HPGDS: variants seen among roughly 807,000 people sequenced by gnomAD.
HPGDS encodes the protein GST class-sigma.
Under a neutral mutation model 23.1 loss-of-function variants are expected in HPGDS, and 26 were observed. That is an observed-to-expected ratio of 1.13 (90% CI 0.83 to 1.56). The LOEUF is 1.56. HPGDS is among the 40% of genes most tolerant of loss of function. HPGDS has a pLI of 0.00. For missense variants in HPGDS, 268 were observed against 236.4 expected (o/e 1.13, Z -0.88); for synonymous variants, 95 against 77.9 (o/e 1.22, Z -1.16).
chr4:94,331,171 A>G (rs1435078586), intron 2 of HPGDS, among the ~76,000 whole-genome samples: 1 of 152,158 alleles, frequency 6.6e-6, no homozygotes, highest in Non-Finnish European at 1.5e-5. Flanking sequence ...TTAGGTTTTA[A>G]TCTTGTCTAC....
chr4:94,321,607 T>C (rs1292631369), intron 2 of HPGDS, among the ~76,000 whole-genome samples: 1 of 152,230 alleles, frequency 6.6e-6, no homozygotes, highest in Non-Finnish European at 1.5e-5. Context: ...TTTTGTACAT[T>C]GATTTTGTAT....
intron 1 of HPGDS, among the ~76,000 whole-genome samples, chr4:94,336,305 A>G (rs1188822171): frequency 2.0e-5 from 3 of 152,136 alleles, no homozygotes; most frequent in Non-Finnish European, 2.9e-5. Context: ...AAGTTTATAT[A>G]TTCCTGGAGT....
chr4:94,313,168 G>C (rs1385117941), intron 3 of HPGDS, among the ~76,000 whole-genome samples: 2 of 152,142 alleles, frequency 1.3e-5, no homozygotes, highest in Admixed American at 6.6e-5. Context: ...GTGTGAATTT[G>C]ATCCTGTCAT....
In HPGDS at chr4:94,315,186, G is replaced by A. The variant is rs142782644; in HGVS notation, c.226+2687C>T. ...GACAATCCCCAGTGAGACAATCCCC[G>A]GTACCTCAGTTGGAAATGCAGAAAT... On this transcript the variant is annotated intron_variant, in intron 3 of 5. Coordinates refer to ENST00000295256, the MANE Select transcript of HPGDS (RefSeq NM_014485.3). Among the ~76,000 whole-genome samples, 8 of 150,474 alleles carry A rather than the reference G, an allele frequency of 5.3e-5. No individual in the cohort carries two copies. The South Asian group carries it at 8.5e-4, about 16-fold the overall frequency.
At chr4:94,334,938 T>C (rs564542384) in intron 1 of HPGDS, among the ~76,000 whole-genome samples, 4 of 152,278 alleles carry the variant, frequency 2.6e-5, no homozygotes, top group East Asian at 1.9e-4. Context: ...CTTCAGAGCA[T>C]GGAGCAAAAA....
At chr4:94,324,625 T>G (rs558907139) in intron 2 of HPGDS, among the ~76,000 whole-genome samples, 29 of 152,296 alleles carry the variant, frequency 1.9e-4, no homozygotes, top group African/African-American at 7.0e-4. Flanking sequence ...ATTTAAGGTC[T>G]TCTCTACACT....
At chr4:94,315,087 T>A (rs941627796) in intron 3 of HPGDS, among the ~76,000 whole-genome samples, 1 of 152,204 alleles carries the variant, frequency 6.6e-6, no homozygotes, top group African/African-American at 2.4e-5. Flanking sequence ...TTGCACTTCC[T>A]GGGTGAGGCG....
At chr4:94,333,501 A>G (rs1413016961) in intron 2 of HPGDS, among the ~76,000 whole-genome samples, 1 of 152,252 alleles carries the variant, frequency 6.6e-6, no homozygotes, top group Non-Finnish European at 1.5e-5. Flanking sequence ...TGACAACTGT[A>G]TGGAGCAAAA....
intron 2 of HPGDS, among the ~76,000 whole-genome samples, chr4:94,327,280 G>A (rs1287008453): frequency 6.6e-6 from 1 of 152,156 alleles, no homozygotes; most frequent in Admixed American, 6.5e-5. Flanking sequence ...TGGTGGAGTA[G>A]GTTGATCCTC....
At chr4:94,330,623 G>C (rs1191550046) in intron 2 of HPGDS, among the ~76,000 whole-genome samples, 4 of 152,062 alleles carry the variant, frequency 2.6e-5, no homozygotes, top group Non-Finnish European at 4.4e-5. Flanking sequence ...TCTATTTTCT[G>C]TTCTCTCTTT....
chr4:94,339,182 T>A (rs969610074), intron 1 of HPGDS, among the ~76,000 whole-genome samples: 27 of 152,236 alleles, frequency 1.8e-4, no homozygotes, highest in African/African-American at 6.5e-4. Flanking sequence ...TATCTTGGTA[T>A]GATTTGACTA....
intron 3 of HPGDS, among the ~76,000 whole-genome samples, chr4:94,309,050 C>CTTTTTTTTTTTT (rs34427506): frequency 1.6e-4 from 5 of 31,028 alleles, no homozygotes; most frequent in Non-Finnish European, 2.3e-4. Flanking sequence ...GGTGTACTTG[C>CTTTTTTTTTTTT]TTTTTTTTTT....
rs1279955472 is a variant in HPGDS at position 94,309,849 on chromosome 4, G to A, written c.227-1106C>T. Among the ~76,000 whole-genome samples, 6 of 152,256 alleles carry A rather than the reference G, an allele frequency of 3.9e-5. No homozygotes were observed. In the South Asian group the frequency reaches 1.0e-3, roughly 26 times the overall value. On this transcript the variant is annotated intron_variant, in intron 3 of 5. Coordinates refer to ENST00000295256, the MANE Select transcript of HPGDS (RefSeq NM_014485.3). Reference sequence around the variant, plus strand: ...AACTGGTGTGAGATGGTATCTCATTGTGGTTTTGATTTACATTTCTCTGAT... The same window carrying A: ...AACTGGTGTGAGATGGTATCTCATTATGGTTTTGATTTACATTTCTCTGAT...
intron 3 of HPGDS, among the ~76,000 whole-genome samples, chr4:94,316,387 T>C (rs996460931): frequency 6.6e-6 from 1 of 152,108 alleles, no homozygotes; most frequent in African/African-American, 2.4e-5. Flanking sequence ...ATCCACAAAT[T>C]TTTCGTATTT....
intron 4 of HPGDS, among the ~76,000 whole-genome samples, chr4:94,303,305 A>G (rs1756079763): frequency 6.6e-6 from 1 of 152,170 alleles, no homozygotes; most frequent in Non-Finnish European, 1.5e-5. Context: ...GAGCATGCGC[A>G]TGATGCCCAA....
intron 3 of HPGDS, among the ~76,000 whole-genome samples, chr4:94,312,301 C>A (rs1756291647): frequency 6.6e-6 from 1 of 152,190 alleles, no homozygotes; most frequent in Non-Finnish European, 1.5e-5. Context: ...CCTCTACACA[C>A]TACTTTAAAT....
chr4:94,308,172 T>A (rs1756174550), intron 4 of HPGDS, among the ~76,000 whole-genome samples: 1 of 152,198 alleles, frequency 6.6e-6, no homozygotes, highest in Admixed American at 6.5e-5. Flanking sequence ...GTATTTTCAA[T>A]AATTTTGCAC....
chr4:94,327,683 G>T (rs1323311469), intron 2 of HPGDS, among the ~76,000 whole-genome samples: 1 of 152,178 alleles, frequency 6.6e-6, no homozygotes, highest in African/African-American at 2.4e-5. Flanking sequence ...GAGAGTGCGT[G>T]CTTTAGCTTC....
intron 1 of HPGDS, among the ~76,000 whole-genome samples, chr4:94,338,513 A>G (rs1335553937): frequency 1.3e-5 from 2 of 152,212 alleles, no homozygotes; most frequent in Non-Finnish European, 2.9e-5. Flanking sequence ...ATTATCACTC[A>G]TTTGTGATCA....
Sources: allele counts gnomAD v4.1 joint callset (sites outside exome capture counted in the v4.1 genomes callset), GRCh38; gene constraint gnomAD v4.1.1; transcripts MANE v1.5; gene names NCBI Gene and HGNC (gene_info 2026-07-23, HGNC 2026-07-21).